The following ENPP2 variants were observed in gnomAD, a reference collection of about 807,000 sequenced individuals.
ENPP2 encodes autotaxin.
Under a neutral mutation model 120.2 loss-of-function variants are expected in ENPP2, and 51 were observed. That is an observed-to-expected ratio of 0.42 (90% CI 0.34 to 0.54). The LOEUF (loss-of-function observed/expected upper bound fraction) is 0.54, where lower values mean the gene tolerates loss of function less well. ENPP2 is among the 20% of genes least tolerant of loss of function. ENPP2 has a pLI of 0.04. For missense variants in ENPP2, 920 were observed against 1,066.5 expected (o/e 0.86, Z 1.91); for synonymous variants, 365 against 366.4 (o/e 1.00, Z 0.04).
At chr8:119,602,504 C>T (rs1814389146) in intron 9 of ENPP2, among the ~76,000 whole-genome samples, 2 of 149,836 alleles carry the variant, frequency 1.3e-5, no homozygotes, top group South Asian at 4.3e-4. Flanking sequence ...AAGAGACTGA[C>T]AAAAAGGGTA....
intron 12 of ENPP2, chr8:119,592,909 AG>A: frequency 1.4e-6 from 1 of 717,646 alleles, no homozygotes; most frequent in South Asian, 6.3e-5. Context: ...GACCAGAGCT[AG>A]GGAGATTTGC....
At chr8:119,656,391 C>T (rs1455875949) in intron 1 of ENPP2, among the ~76,000 whole-genome samples, 2 of 152,120 alleles carry the variant, frequency 1.3e-5, no homozygotes, top group African/African-American at 2.4e-5. Context: ...TCTCTGTATT[C>T]GTTCCTCTCA....
intron 9 of ENPP2, among the ~76,000 whole-genome samples, chr8:119,603,392 C>T (rs573456519): frequency 9.2e-5 from 14 of 152,278 alleles, no homozygotes; most frequent in African/African-American, 3.1e-4. Context: ...CTGTGTCAAG[C>T]TCAGAATGCT....
intron 8 of ENPP2, among the ~76,000 whole-genome samples, chr8:119,615,382 G>A (rs1455816665): frequency 6.6e-6 from 1 of 152,172 alleles, no homozygotes; most frequent in Non-Finnish European, 1.5e-5. Flanking sequence ...CTGGCCAGAA[G>A]CTTGTACACT....
intron 1 of ENPP2, among the ~76,000 whole-genome samples, chr8:119,646,806 T>C (rs886265545): frequency 1.3e-5 from 2 of 152,204 alleles, no homozygotes; most frequent in Non-Finnish European, 2.9e-5. Context: ...TGCTCTTTCA[T>C]ACCTCCATTC....
At chr8:119,574,113 C>T (rs890300470) in intron 19 of ENPP2, among the ~76,000 whole-genome samples, 3 of 151,968 alleles carry the variant, frequency 2.0e-5, no homozygotes, top group African/African-American at 7.3e-5. Flanking sequence ...ATTTTAAGGT[C>T]CAGAATCAAA....
chr8:119,649,862 C>A (rs1390756504), intron 1 of ENPP2, among the ~76,000 whole-genome samples: 2 of 152,072 alleles, frequency 1.3e-5, no homozygotes, highest in Non-Finnish European at 2.9e-5. Context: ...ACCACTTTAC[C>A]CCCACTAGGA....
intron 1 of ENPP2, among the ~76,000 whole-genome samples, chr8:119,659,200 C>T (rs1225981677): frequency 6.6e-6 from 1 of 151,826 alleles, no homozygotes; most frequent in Admixed American, 6.6e-5. Context: ...ACCTGTAATC[C>T]CAGCTACTCA....
intron 19 of ENPP2, among the ~76,000 whole-genome samples, chr8:119,575,268 G>C (rs780269577): frequency 1.5e-4 from 23 of 151,958 alleles, no homozygotes; most frequent in Non-Finnish European, 2.6e-4. Context: ...TTACTCTTCT[G>C]CTTGGCCTTT....
intron 1 of ENPP2, among the ~76,000 whole-genome samples, chr8:119,652,273 C>A (rs967673296): frequency 1.3e-5 from 2 of 152,062 alleles, no homozygotes; most frequent in African/African-American, 4.8e-5. Context: ...GATTTAATCA[C>A]CTCCCAAAGT....
chr8:119,606,538 A>C (rs1328466666), intron 9 of ENPP2, among the ~76,000 whole-genome samples: 1 of 152,030 alleles, frequency 6.6e-6, no homozygotes, highest in African/African-American at 2.4e-5. Flanking sequence ...GTAAATCAAC[A>C]TGCTGTTTAT....
At chr8:119,650,501 T>A (rs921123512) in intron 1 of ENPP2, among the ~76,000 whole-genome samples, 1 of 152,144 alleles carries the variant, frequency 6.6e-6, no homozygotes, top group East Asian at 1.9e-4. Context: ...AAAAGCTATT[T>A]TAAAAAAGAA....
intron 22 of ENPP2, among the ~76,000 whole-genome samples, chr8:119,565,768 T>C (rs1814371129): frequency 6.6e-6 from 1 of 152,184 alleles, no homozygotes; most frequent in African/African-American, 2.4e-5. Context: ...TTCCCTGGGT[T>C]CCCTGTGAAA....
chr8:119,602,651 A>G (rs1210269911), intron 9 of ENPP2, among the ~76,000 whole-genome samples: 1 of 152,166 alleles, frequency 6.6e-6, no homozygotes, highest in Non-Finnish European at 1.5e-5. Context: ...CGGCTGAGTT[A>G]CATTCAGATG....
At chr8:119,669,948 TAC>T (rs1818191853) in intron 1 of ENPP2, among the ~76,000 whole-genome samples, 2 of 152,240 alleles carry the variant, frequency 1.3e-5, no homozygotes, top group South Asian at 4.1e-4. Context: ...CATCACTTTC[TAC>T]AGAGTTTTTA....
chr8:119,600,333 A>G (rs1020135265), intron 11 of ENPP2, among the ~76,000 whole-genome samples: 3 of 151,960 alleles, frequency 2.0e-5, no homozygotes, highest in Non-Finnish European at 1.5e-5. Flanking sequence ...TCATCTCAAG[A>G]TTTTTTTCCA....
chr8:119,558,697 A>G (rs1259001843), intron 24 of ENPP2, among the ~76,000 whole-genome samples: 1 of 151,936 alleles, frequency 6.6e-6, no homozygotes, highest in Non-Finnish European at 1.5e-5. Context: ...AGCAGTGTCT[A>G]CTTTCATTAG....
At chr8:119,599,998 C>T (rs1317780676) in intron 11 of ENPP2, among the ~76,000 whole-genome samples, 1 of 138,056 alleles carries the variant, frequency 7.2e-6, no homozygotes, top group Non-Finnish European at 1.5e-5. Context: ...CGGAGCAAGA[C>T]TCTGTCTCAA....
chr8:119,630,898 T>A (rs1362450367), intron 2 of ENPP2, among the ~76,000 whole-genome samples: 1 of 152,052 alleles, frequency 6.6e-6, no homozygotes, highest in Non-Finnish European at 1.5e-5. Flanking sequence ...TTTTTTTTCT[T>A]TTTTTTCTTT....
Sources: allele counts gnomAD v4.1 joint callset (sites outside exome capture counted in the v4.1 genomes callset), GRCh38; gene constraint gnomAD v4.1.1; transcripts MANE v1.5; gene names NCBI Gene and HGNC (gene_info 2026-07-23, HGNC 2026-07-21).